THOC7: variants seen among roughly 807,000 people sequenced by gnomAD.
THOC7 encodes THO complex subunit 7.
THOC7 carries 22 observed loss-of-function variants against 33.1 expected under a neutral mutation model. The ratio of observed to expected loss-of-function variants is 0.66; its 90% CI spans 0.47 to 0.95. THOC7 has a LOEUF of 0.95. THOC7 is among the 40% of genes least tolerant of loss of function. The probability of loss-of-function intolerance (pLI) is 0.00; values close to 1 mark genes in which losing one functional copy is unlikely to be tolerated. For missense variants in THOC7, 184 were observed against 245.3 expected, an observed-to-expected ratio of 0.75 and a Z score of 1.67; for synonymous variants, 77 against 76.8, an observed-to-expected ratio of 1.00 and a Z score of -0.01.
chr3:63,862,320 C>G (rs1702240603), intron 1 of THOC7, among the ~76,000 whole-genome samples: 1 of 152,236 alleles, frequency 6.6e-6, no homozygotes, highest in Non-Finnish European at 1.5e-5. Context: ...TTCGAGGAGG[C>G]TTTCTCATTT....
At chr3:63,852,012 T>C (rs887263514) in intron 1 of THOC7, among the ~76,000 whole-genome samples, 3 of 152,168 alleles carry the variant, frequency 2.0e-5, no homozygotes, top group African/African-American at 7.2e-5. Context: ...CAGAGCTACC[T>C]TGGGTCTCTG....
intron 1 of THOC7, among the ~76,000 whole-genome samples, chr3:63,859,359 T>A (rs1489875457): frequency 6.6e-6 from 1 of 152,210 alleles, no homozygotes; most frequent in Non-Finnish European, 1.5e-5. Context: ...CCTCCTGAGC[T>A]CCCTTTTACC....
intron 1 of THOC7, among the ~76,000 whole-genome samples, chr3:63,850,881 C>A (rs1292557506): frequency 6.6e-6 from 1 of 152,192 alleles, no homozygotes; most frequent in Non-Finnish European, 1.5e-5. Context: ...GCCACTGCAC[C>A]TGACCTCTGC....
At chr3:63,862,878 T>G (rs1393236543) in intron 1 of THOC7, among the ~76,000 whole-genome samples, 1 of 152,098 alleles carries the variant, frequency 6.6e-6, no homozygotes, top group Non-Finnish European at 1.5e-5. Context: ...AAGTGTCACC[T>G]TATTTCCGCT....
chr3:63,835,266 A>C, intron 6 of THOC7, 43 bp from the exon 7 acceptor site: 3 of 1,612,318 alleles, frequency 1.9e-6, no homozygotes, highest in Non-Finnish European at 2.5e-6. Context: ...ACCTGTATAT[A>C]TAGATATATA....
intron 1 of THOC7, among the ~76,000 whole-genome samples, chr3:63,842,273 C>T (rs1228208655): frequency 6.6e-6 from 1 of 152,108 alleles, no homozygotes; most frequent in Admixed American, 6.6e-5. Context: ...TACTAGCTCA[C>T]CCCACTGAGA....
In THOC7 at chr3:63,837,991, G is replaced by T; in HGVS notation, c.337C>A (p.Arg113=). Residue 113 remains arginine (R), a synonymous_variant, in exon 4 of 8, where the codon CGA becomes AGA. Coordinates refer to ENST00000295899, the MANE Select transcript of THOC7 (RefSeq NM_025075.4). ...AAACCCTTACCTTGGCGATTTTTTCGTATTCGTTTTGCTTGAAGAATTTGC... is the reference window on the plus strand; with the variant it reads ...AAACCCTTACCTTGGCGATTTTTTCTTATTCGTTTTGCTTGAAGAATTTGC... ...KKQILQAKRI[R]KNRQEYDALA... 1 of 1,606,646 alleles carries T rather than the reference G, an allele frequency of 6.2e-7. No individual in the cohort carries two copies. Among genetic ancestry groups the T allele is most frequent in the African/African-American group, 1.3e-5 (1 of 74,470 alleles).
intron 1 of THOC7, among the ~76,000 whole-genome samples, chr3:63,854,432 C>G (rs1034908990): frequency 5.9e-5 from 9 of 152,130 alleles, no homozygotes; most frequent in Admixed American, 6.5e-5. Flanking sequence ...AGTTTGAATG[C>G]TTATATTAGT....
At chr3:63,861,927 G>A (rs1702227537) in intron 1 of THOC7, 1 of 152,070 alleles carries the variant, frequency 6.6e-6, no homozygotes, top group Non-Finnish European at 1.5e-5. Context: ...CAAGTCCTGG[G>A]ACTACAGGTG....
rs765934313 is a variant in THOC7 at position 63,835,313 on chromosome 3, T to C, written c.477+11A>G. The C allele has an allele frequency of 3.7e-6, 6 of 1,613,438 alleles. No individual in the cohort carries two copies. Among genetic ancestry groups the C allele is most frequent in the Non-Finnish European group, 5.1e-6 (6 of 1,179,646 alleles). On this transcript the variant is annotated intron_variant, in intron 6 of 7. Transcript: ENST00000295899. ...AGACAGATCATGAAGGCTAAATATA[T>C]ATGCGAATACCTTATCTTCAACACT...
intron 1 of THOC7, chr3:63,846,257 G>T (rs755057130): frequency 2.7e-5 from 12 of 442,116 alleles, no homozygotes; most frequent in African/African-American, 2.4e-4. Context: ...TAAGAGAATC[G>T]TCTGAAAAAT....
chr3:63,844,685 C>A (rs1365362941), intron 1 of THOC7, among the ~76,000 whole-genome samples: 1 of 152,052 alleles, frequency 6.6e-6, no homozygotes, highest in East Asian at 1.9e-4. Flanking sequence ...GAGTTCAGCT[C>A]CATTTCTTTT....
intron 1 of THOC7, among the ~76,000 whole-genome samples, chr3:63,858,523 C>T (rs1202369333): frequency 6.6e-6 from 1 of 152,006 alleles, no homozygotes; most frequent in Non-Finnish European, 1.5e-5. Context: ...AGCCACATTC[C>T]ACCCCAACCC....
chr3:63,864,220 A>T (rs1373675986), upstream of THOC7, among the ~76,000 whole-genome samples: 2 of 149,052 alleles, frequency 1.3e-5, no homozygotes, highest in South Asian at 2.1e-4. Context: ...GGCCGCCCGC[A>T]GTCGGGGTCC....
At chr3:63,857,538 C>G (rs1702137281) in intron 1 of THOC7, among the ~76,000 whole-genome samples, 1 of 152,170 alleles carries the variant, frequency 6.6e-6, no homozygotes, top group African/African-American at 2.4e-5. Context: ...ACATATTAGC[C>G]CATTGTGTTA....
rs1289530164 is a variant in THOC7, at chr3:63,855,912, T to C, written c.19+7860A>G. ...AAGGGATAACAATTTCAGACAGGAT[T>C]ATAGTGGGGAAAACAGCTAGCTACT... On this transcript the variant is annotated intron_variant, in intron 1 of 7. Transcript: ENST00000295899. Among the ~76,000 whole-genome samples, 9 of 152,282 alleles carry C rather than the reference T, an allele frequency of 5.9e-5. No individual in the cohort carries two copies. In the East Asian group the frequency reaches 1.7e-3, roughly 29 times the overall value.
intron 1 of THOC7, among the ~76,000 whole-genome samples, chr3:63,842,659 A>T (rs1365179476): frequency 6.6e-6 from 1 of 152,142 alleles, no homozygotes; most frequent in Non-Finnish European, 1.5e-5. Flanking sequence ...GAGGACACCA[A>T]AACATACAGA....
At chr3:63,849,922 A>C (rs1016797167) in intron 1 of THOC7, among the ~76,000 whole-genome samples, 9 of 152,176 alleles carry the variant, frequency 5.9e-5, no homozygotes, top group African/African-American at 1.9e-4. Flanking sequence ...ATTTCAAGGG[A>C]GATATCTCAT....
At chr3:63,836,489 G>C in intron 4 of THOC7, 131 bp from the exon 5 acceptor site, 1 of 787,746 alleles carries the variant, frequency 1.3e-6, no homozygotes, top group Non-Finnish European at 2.1e-6. Context: ...ACTGAAAGAT[G>C]AGTATTGCCA....
Sources: gnomAD v4.1 joint callset for allele counts (sites outside exome capture counted in the v4.1 genomes callset) on GRCh38, gnomAD v4.1.1 for gene constraint, MANE v1.5 for transcripts, NCBI Gene and HGNC (gene_info 2026-07-23, HGNC 2026-07-21) for gene names.